The following SNX25 variants were observed in gnomAD, a reference collection of about 807,000 sequenced individuals.
SNX25 encodes sorting nexin-25.
A neutral mutation model predicts 113.7 loss-of-function variants in SNX25; 62 were observed. That is an observed-to-expected ratio of 0.55 (90% CI 0.44 to 0.67). The LOEUF (loss-of-function observed/expected upper bound fraction) is 0.67. SNX25 is among the 30% of genes least tolerant of loss of function. SNX25 has a pLI of 0.00. For missense variants in SNX25, 1,014 were observed against 1,161.0 expected (o/e 0.87, Z 1.84); for synonymous variants, 421 against 436.2 (o/e 0.97, Z 0.43).
the SNX25 span, chr4:185,376,876 A>G: frequency 6.8e-7 from 1 of 1,478,026 alleles, no homozygotes; most frequent in African/African-American, 1.4e-5. Context: ...ACAGAATTAC[A>G]GGAAATGAAA....
chr4:185,317,584 A>G (rs530506247), intron 7 of SNX25, among the ~76,000 whole-genome samples: 21 of 152,332 alleles, frequency 1.4e-4, no homozygotes, highest in African/African-American at 3.8e-4. Context: ...ATGCCCATCA[A>G]TGATAGACTG....
intron 5 of SNX25, among the ~76,000 whole-genome samples, chr4:185,270,030 T>C (rs2126557790): frequency 6.6e-6 from 1 of 150,536 alleles, no homozygotes; most frequent in South Asian, 2.1e-4. Context: ...GATTCAGAAC[T>C]ATTTAAATAC....
the SNX25 span, among the ~76,000 whole-genome samples, chr4:185,376,070 A>T: frequency 6.6e-6 from 1 of 152,130 alleles, no homozygotes; most frequent in African/African-American, 2.4e-5. Flanking sequence ...CTTCCCGGGG[A>T]AGTCAATGAA....
At chr4:185,338,644 C>CT (rs923287998) in intron 10 of SNX25, among the ~76,000 whole-genome samples, 2 of 152,076 alleles carry the variant, frequency 1.3e-5, no homozygotes, top group African/African-American at 4.8e-5. Context: ...CTTTGATCTA[C>CT]TTTAATTGTT....
At chr4:185,305,718 C>T (rs1462120300) in intron 6 of SNX25, among the ~76,000 whole-genome samples, 1 of 152,174 alleles carries the variant, frequency 6.6e-6, no homozygotes, top group Non-Finnish European at 1.5e-5. Flanking sequence ...GTCTTTTTCA[C>T]CAAATGAACC....
intron 6 of SNX25, among the ~76,000 whole-genome samples, chr4:185,294,433 T>C (rs1387060569): frequency 6.6e-6 from 1 of 152,178 alleles, no homozygotes; most frequent in Non-Finnish European, 1.5e-5. Flanking sequence ...TAGATAATCA[T>C]AAAGGGTTCT....
At chr4:185,239,344 G>A (rs569167886) in intron 1 of SNX25, among the ~76,000 whole-genome samples, 158 of 152,180 alleles carry the variant, frequency 1.0e-3, no homozygotes, top group Middle Eastern at 3.4e-3. Flanking sequence ...TTAGCCGGGC[G>A]TGGTGGTGGG....
intron 5 of SNX25, among the ~76,000 whole-genome samples, chr4:185,284,578 G>A (rs1340081930): frequency 1.3e-5 from 2 of 152,160 alleles, no homozygotes; most frequent in Non-Finnish European, 2.9e-5. Flanking sequence ...CACATTCATA[G>A]GGAGAAAAAA....
At chr4:185,322,486 A>T (rs1407975875) in intron 8 of SNX25, among the ~76,000 whole-genome samples, 1 of 152,254 alleles carries the variant, frequency 6.6e-6, no homozygotes, top group Non-Finnish European at 1.5e-5. Flanking sequence ...ACTCATTTTC[A>T]TATGAATGTT....
In SNX25 at chr4:185,216,513, G is replaced by T. The variant is rs952485978; in HGVS notation, c.429+6258G>T. Among the ~76,000 whole-genome samples, 248 of 96,784 alleles carry T rather than the reference G, an allele frequency of 2.6e-3. 1 individual carries two copies. Among genetic ancestry groups the T allele is most frequent in the African/African-American group, 8.3e-3 (214 of 25,642 alleles). The allele number at this position is 96,784 out of a possible 152,430, so 63.5% of individuals were successfully genotyped here. ...AGGAAATGACAAAAGTGTGTATTTGGTTTTTTTTTTTTTTTTTTTTTTTGA... is the reference window on the plus strand; with the variant it reads ...AGGAAATGACAAAAGTGTGTATTTGTTTTTTTTTTTTTTTTTTTTTTTTGA... On this transcript the variant is annotated intron_variant, in intron 1 of 18. Coordinates refer to ENST00000652585, the MANE Select transcript of SNX25 (RefSeq NM_001378034.2).
At chr4:185,378,116 T>C in the SNX25 span, 1 of 1,613,922 alleles carries the variant, frequency 6.2e-7, no homozygotes, top group Non-Finnish European at 8.5e-7. Flanking sequence ...AAATTTTTGG[T>C]TTTTAGCAGC....
intron 1 of SNX25, among the ~76,000 whole-genome samples, chr4:185,241,990 A>G (rs987357664): frequency 2.0e-5 from 3 of 152,032 alleles, no homozygotes. Flanking sequence ...AATTTGTTGA[A>G]TTTTCATTAG....
rs2095374202 is a variant in SNX25 at position 185,363,182 on chromosome 4, G to C, written c.2935-203G>C. Among the ~76,000 whole-genome samples the C allele has an allele frequency of 6.6e-6, 1 of 151,940 alleles. No individual in the cohort carries two copies. The highest frequency in any genetic ancestry group is 1.5e-5 in the Non-Finnish European group (1 of 67,984). The stretch of plus-strand genomic sequence containing the variant: ...ATATCACATTGCCGCATAACTGGTT[G>C]GTTTTCTTATTTCAGCAAAGCCAAC... On this transcript the variant is annotated intron_variant, in intron 18 of 18. Transcript: ENST00000652585. This position sits in a 1 kb window ranked among gnomAD's most constrained non-coding sequence, Gnocchi z 4.2.
At chr4:185,276,157 AT>A (rs1216437007) in intron 5 of SNX25, among the ~76,000 whole-genome samples, 1 of 152,246 alleles carries the variant, frequency 6.6e-6, no homozygotes, top group Non-Finnish European at 1.5e-5. Context: ...CTCTGAATTT[AT>A]TATGTTCTTG....
downstream of SNX25, chr4:185,372,972 A>G (rs767765560): frequency 5.6e-6 from 9 of 1,614,024 alleles, no homozygotes; most frequent in South Asian, 9.9e-5. Flanking sequence ...ACTGCAGGGC[A>G]GCTTCCGTAT....
intron 5 of SNX25, among the ~76,000 whole-genome samples, chr4:185,281,617 T>C (rs1346817845): frequency 6.6e-6 from 1 of 152,202 alleles, no homozygotes; most frequent in East Asian, 1.9e-4. Flanking sequence ...AAACTTCAGC[T>C]TAGCTGGCTA....
At chr4:185,371,717 A>G (rs2095416768), downstream of SNX25, among the ~76,000 whole-genome samples, 3 of 152,172 alleles carry the variant, frequency 2.0e-5, no homozygotes. Flanking sequence ...AGAATGATTT[A>G]AAGTCTTAGT....
intron 1 of SNX25, among the ~76,000 whole-genome samples, chr4:185,235,271 T>C (rs1742444702): frequency 6.6e-6 from 1 of 152,250 alleles, no homozygotes. Flanking sequence ...TCTTTCTCTA[T>C]GTTCATGTGA....
chr4:185,315,952 A>G (rs1007907676), intron 7 of SNX25, among the ~76,000 whole-genome samples: 8 of 152,248 alleles, frequency 5.3e-5, no homozygotes, highest in African/African-American at 1.9e-4. Flanking sequence ...TAATTAAGGT[A>G]TAATGACATG....
Sources: gnomAD v4.1 joint callset for allele counts (sites outside exome capture counted in the v4.1 genomes callset) on GRCh38, gnomAD v4.1.1 for gene constraint, Gnocchi (gnomAD v3.1) non-coding constraint, MANE v1.5 for transcripts, NCBI Gene and HGNC (gene_info 2026-07-23, HGNC 2026-07-21) for gene names.